The following TRHDE variants were observed in gnomAD, a reference collection of about 807,000 sequenced individuals.
TRHDE encodes thyrotropin releasing hormone degrading enzyme.
In TRHDE, 72 loss-of-function variants were observed where a neutral mutation model predicts 125.7. That is an observed-to-expected ratio of 0.57 (90% CI 0.47 to 0.70). The LOEUF (loss-of-function observed/expected upper bound fraction) is 0.70. TRHDE is among the 30% of genes least tolerant of loss of function. The pLI is 0.00. For synonymous variants in TRHDE, 509 were observed against 509.1 expected, an observed-to-expected ratio of 1.00 and a Z score of 0.00; for missense variants, 1,110 against 1,327.1, an observed-to-expected ratio of 0.84 and a Z score of 2.54.
At chr12:72,648,466 T>A (rs1266603110) in intron 15 of TRHDE, among the ~76,000 whole-genome samples, 1 of 152,182 alleles carries the variant, frequency 6.6e-6, no homozygotes, top group Non-Finnish European at 1.5e-5. Flanking sequence ...ATTGTCCGTT[T>A]GTACATGACA....
chr12:72,361,000 GC>G (rs201692960), intron 2 of TRHDE, among the ~76,000 whole-genome samples: 10,474 of 151,380 alleles, frequency 0.069, 485 homozygotes, highest in Non-Finnish European at 0.1. Flanking sequence ...CCCACCTCAG[GC>G]CCCAGTGTGT....
chr12:72,337,155 G>C (rs543397426), intron 2 of TRHDE, among the ~76,000 whole-genome samples: 3 of 152,162 alleles, frequency 2.0e-5, no homozygotes, highest in African/African-American at 7.2e-5. Flanking sequence ...AGCCCACTTC[G>C]CTGCTTGAGT....
chr12:72,284,366 T>C (rs1398327826), intron 1 of TRHDE, among the ~76,000 whole-genome samples: 1 of 152,122 alleles, frequency 6.6e-6, no homozygotes, highest in Non-Finnish European at 1.5e-5. Context: ...TGGGCATCTT[T>C]TAAATAGCCT....
intron 3 of TRHDE, among the ~76,000 whole-genome samples, chr12:72,406,827 C>T (rs1042518304): frequency 5.3e-5 from 8 of 152,102 alleles, no homozygotes; most frequent in African/African-American, 1.4e-4. Context: ...GCACAGATTA[C>T]TGCTAAATGT....
chr12:72,248,077 A>AT (rs1340038833), intron 2 of TRHDE, among the ~76,000 whole-genome samples: 1 of 152,310 alleles, frequency 6.6e-6, no homozygotes, highest in Admixed American at 6.5e-5. Flanking sequence ...ATGTGTGTAC[A>AT]TATGTACGCA....
intron 17 of TRHDE, 106 bp from the exon 18 acceptor site, chr12:72,656,821 A>C: frequency 1.3e-6 from 1 of 747,096 alleles, no homozygotes; most frequent in South Asian, 1.6e-5. Flanking sequence ...AGTCTCTGAC[A>C]ACACTGAGCA....
chr12:72,450,432 G>T (rs1016857491), intron 3 of TRHDE, among the ~76,000 whole-genome samples: 1 of 152,024 alleles, frequency 6.6e-6, no homozygotes, highest in Non-Finnish European at 1.5e-5. Context: ...AATAAAAATT[G>T]TATATCCTTA....
chr12:72,448,111 T>G (rs1185209582), intron 3 of TRHDE, among the ~76,000 whole-genome samples: 1 of 152,086 alleles, frequency 6.6e-6, no homozygotes, highest in East Asian at 1.9e-4. Context: ...ACTATCTCCT[T>G]GCAGAATGCA....
At chr12:72,286,996 C>T (rs1879914993) in intron 2 of TRHDE, 42 bp downstream of exon 2, 1 of 1,585,278 alleles carries the variant, frequency 6.3e-7, no homozygotes. Context: ...ATAATGTACA[C>T]TCTGTAAAGT....
chr12:72,665,006 T>G lies in TRHDE; in HGVS notation c.*1811T>G, dbSNP rs780251254. On this transcript the variant is annotated 3_prime_UTR_variant, in exon 19 of 19. Coordinates refer to ENST00000261180, the MANE Select transcript of TRHDE (RefSeq NM_013381.3). ...ATGATAATACTTTTAGTATAAAATC[T>G]AAACTTTTTCCATTTATCAGAAATG... 2 of 152,090 alleles carry G rather than the reference T, an allele frequency of 1.3e-5. No individual in the cohort carries two copies. The highest frequency in any genetic ancestry group is 2.9e-5 in the Non-Finnish European group (2 of 67,974). The allele number at this position is 152,090 out of a possible 1,614,324, so 9.4% of individuals were successfully genotyped here. A position where few individuals can be genotyped will look rare whatever the true frequency, so the allele number is the denominator to read the frequency against.
chr12:72,274,155 T>A (rs1329868316), intron 1 of TRHDE, among the ~76,000 whole-genome samples: 1 of 152,100 alleles, frequency 6.6e-6, no homozygotes, highest in Non-Finnish European at 1.5e-5. Context: ...AGAGATAGGC[T>A]GAGAGGACCG....
At chr12:72,251,252 C>G (rs1878677828) in intron 2 of TRHDE, among the ~76,000 whole-genome samples, 1 of 151,940 alleles carries the variant, frequency 6.6e-6, no homozygotes. Flanking sequence ...GTCCCATCAC[C>G]ATAAGGGTCC....
intron 2 of TRHDE, among the ~76,000 whole-genome samples, chr12:72,370,563 A>G (rs1173738520): frequency 1.3e-5 from 2 of 152,156 alleles, no homozygotes; most frequent in African/African-American, 4.8e-5. Flanking sequence ...GTCACCTATC[A>G]CTATATATCT....
At chr12:72,184,199 G>A (rs567978884) in intron 2 of TRHDE, among the ~76,000 whole-genome samples, 1 of 152,042 alleles carries the variant, frequency 6.6e-6, no homozygotes, top group Admixed American at 6.5e-5. Context: ...CTACCCTTAG[G>A]GGCAGAGGGT....
At chr12:72,228,632 C>A (rs958006873) in intron 2 of TRHDE, among the ~76,000 whole-genome samples, 1 of 152,198 alleles carries the variant, frequency 6.6e-6, no homozygotes, top group African/African-American at 2.4e-5. Context: ...ATTGCATCAT[C>A]AGGCTGCAAG....
At chr12:72,577,235 T>TTC in intron 12 of TRHDE, among the ~76,000 whole-genome samples, 1 of 152,324 alleles carries the variant, frequency 6.6e-6, no homozygotes, top group African/African-American at 2.4e-5. Context: ...GAAAGCTGTT[T>TTC]TCATTAGCTA....
intron 2 of TRHDE, among the ~76,000 whole-genome samples, chr12:72,206,354 A>C (rs976294121): frequency 1.3e-5 from 2 of 152,108 alleles, no homozygotes; most frequent in African/African-American, 4.8e-5. Context: ...CGACCTTCCA[A>C]AGTGCTAGGA....
chr12:72,536,232 C>T (rs1868851011), intron 6 of TRHDE, among the ~76,000 whole-genome samples: 1 of 152,036 alleles, frequency 6.6e-6, no homozygotes, highest in Admixed American at 6.6e-5. Flanking sequence ...ATTTTAGGGA[C>T]CTATCATTAA....
At chr12:72,512,487 A>G (rs189301844) in intron 6 of TRHDE, among the ~76,000 whole-genome samples, 2 of 139,382 alleles carry the variant, frequency 1.4e-5, no homozygotes, top group Non-Finnish European at 3.1e-5. Flanking sequence ...ATTATATAAT[A>G]ATAATATATT....
Sources: gnomAD v4.1 joint callset for allele counts (sites outside exome capture counted in the v4.1 genomes callset) on GRCh38, gnomAD v4.1.1 for gene constraint, MANE v1.5 for transcripts, NCBI Gene and HGNC (gene_info 2026-07-23, HGNC 2026-07-21) for gene names.